The following PPP1R9A variants were observed in gnomAD, a reference collection of about 807,000 sequenced individuals.
PPP1R9A encodes the protein protein phosphatase 1 regulatory subunit 9A, also known as neurabin-1.
PPP1R9A carries 59 observed loss-of-function variants against 141.9 expected under a neutral mutation model. The observed-to-expected ratio is 0.42, with a 90% CI of 0.34 to 0.52. The LOEUF is 0.52. Ranked by LOEUF, PPP1R9A falls within the 20% of genes least tolerant of loss-of-function variation. The probability of loss-of-function intolerance (pLI) is 0.10; values close to 1 mark genes in which losing one functional copy is unlikely to be tolerated. For missense variants in PPP1R9A, 1,444 were observed against 1,611.9 expected (o/e 0.90, Z 1.78); for synonymous variants, 500 against 569.7 (o/e 0.88, Z 1.74).
At chr7:95,284,461 A>T (rs746856912) in intron 17 of PPP1R9A, 131 bp downstream of exon 17, 21 of 911,828 alleles carry the variant, frequency 2.3e-5, no homozygotes, top group Non-Finnish European at 2.9e-5. Context: ...CTATCTTTTC[A>T]CATATTGCTA....
At chr7:95,096,740 T>C (rs1186628437) in intron 2 of PPP1R9A, among the ~76,000 whole-genome samples, 1 of 152,210 alleles carries the variant, frequency 6.6e-6, no homozygotes, top group Admixed American at 6.5e-5. Context: ...CTTGGCCATG[T>C]TGGCTTACTT....
chr7:94,956,156 C>T (rs1797050591), intron 2 of PPP1R9A, among the ~76,000 whole-genome samples: 6 of 152,100 alleles, frequency 3.9e-5, no homozygotes. Flanking sequence ...TTAATTTTCT[C>T]AGACAGCCCA....
intron 14 of PPP1R9A, among the ~76,000 whole-genome samples, chr7:95,269,841 T>C (rs576047246): frequency 6.6e-5 from 10 of 152,128 alleles, no homozygotes; most frequent in Non-Finnish European, 5.9e-5. Flanking sequence ...TAGAAAAATA[T>C]AGAGCGATTT....
Position 95,268,644 on chromosome 7 carries a change from C to A in PPP1R9A, c.2760C>A (p.Pro920=). The A allele has an allele frequency of 6.2e-7, 1 of 1,613,438 alleles. No homozygotes were observed. The highest frequency in any genetic ancestry group is 8.5e-7 in the Non-Finnish European group (1 of 1,179,546). ...QLSVKNRRQR[P]SRTRLYDSVS... ...CTGTGAAGAACAGACGCCAGAGACC[C>A]TCTAGGACAAGACTGTATGATAGTG... Residue 920 remains proline, a synonymous_variant, in exon 13 of 20, where the codon CCC becomes CCA. Transcript: ENST00000433360.
intron 4 of PPP1R9A, among the ~76,000 whole-genome samples, chr7:95,139,263 A>C (rs1197941274): frequency 1.3e-5 from 2 of 152,182 alleles, no homozygotes; most frequent in Non-Finnish European, 2.9e-5. Context: ...ATGAGTGCAG[A>C]GCGAAGGGGG....
intron 2 of PPP1R9A, among the ~76,000 whole-genome samples, chr7:95,052,596 G>A (rs1407313948): frequency 2.6e-5 from 4 of 152,114 alleles, no homozygotes; most frequent in Admixed American, 1.3e-4. Context: ...TTTGAAGTAG[G>A]TAAGGATAAG....
At chr7:95,230,705 A>T (rs921454039) in intron 8 of PPP1R9A, among the ~76,000 whole-genome samples, 3 of 152,174 alleles carry the variant, frequency 2.0e-5, no homozygotes, top group African/African-American at 7.2e-5. Flanking sequence ...AAGGAGAGAA[A>T]TCTAAAAGTT....
At chr7:95,145,624 A>C (rs1827466734) in intron 4 of PPP1R9A, among the ~76,000 whole-genome samples, 1 of 152,154 alleles carries the variant, frequency 6.6e-6, no homozygotes, top group African/African-American at 2.4e-5. Context: ...AAAAGACAGA[A>C]ATTGCTGGGC....
At chr7:95,065,586 T>A (rs1393919855) in intron 2 of PPP1R9A, among the ~76,000 whole-genome samples, 1 of 152,224 alleles carries the variant, frequency 6.6e-6, no homozygotes, top group Admixed American at 6.5e-5. Context: ...TGGAATTGTC[T>A]GTTGTGACTG....
intron 13 of PPP1R9A, 67 bp downstream of exon 13, chr7:95,268,774 A>C (rs1486867837): frequency 1.3e-6 from 2 of 1,547,590 alleles, no homozygotes; most frequent in African/African-American, 2.8e-5. Context: ...CAGCTTATTG[A>C]AGATTATGAT....
chr7:95,116,257 GAAATGACCAGTAT>G (rs1368594821), intron 3 of PPP1R9A, among the ~76,000 whole-genome samples: 1 of 152,016 alleles, frequency 6.6e-6, no homozygotes, highest in African/African-American at 2.4e-5. Context: ...CCCTTTAAAT[GAAATGACCAGTAT>G]AAATAACAGC....
At chr7:95,286,995 G>T in intron 18 of PPP1R9A, 1 of 1,078,014 alleles carries the variant, frequency 9.3e-7, no homozygotes, top group South Asian at 1.9e-5. Context: ...TTTTCTGCCC[G>T]TATTCTTCAA....
intron 6 of PPP1R9A, among the ~76,000 whole-genome samples, chr7:95,200,198 CCA>C (rs1157950186): frequency 6.6e-6 from 1 of 151,778 alleles, no homozygotes; most frequent in Non-Finnish European, 1.5e-5. Flanking sequence ...AGATCACAGA[CCA>C]CACATTTTCT....
intron 2 of PPP1R9A, among the ~76,000 whole-genome samples, chr7:94,952,403 G>T (rs542028215): frequency 6.6e-6 from 1 of 152,250 alleles, no homozygotes; most frequent in East Asian, 1.9e-4. Context: ...GGACAGTGCT[G>T]CAATAAACAT....
chr7:95,023,356 G>T (rs551656740), intron 2 of PPP1R9A, among the ~76,000 whole-genome samples: 384 of 151,750 alleles, frequency 2.5e-3, no homozygotes, highest in Non-Finnish European at 4.4e-3. Flanking sequence ...GCATCTATTT[G>T]ATTCTTCTCT....
chr7:95,197,263 C>T (rs1329416399), intron 5 of PPP1R9A, among the ~76,000 whole-genome samples: 2 of 152,092 alleles, frequency 1.3e-5, no homozygotes, highest in Admixed American at 6.5e-5. Context: ...ATCCTAGAGA[C>T]ACATTATTCG....
Position 95,226,134 on chromosome 7 carries a change from A to G in PPP1R9A, c.2112+18A>G, listed in dbSNP as rs764849909. The G allele has an allele frequency of 1.1e-5, 18 of 1,602,088 alleles. 1 individual carries two copies. The South Asian group carries it at 1.4e-4, about 13-fold the overall frequency. On this transcript the variant is annotated intron_variant, in intron 8 of 19. Transcript: ENST00000433360. ...TCAAAGAGGTATGCCACTAAGCTGC[A>G]AAATATTTCTTTATGCCTGTCCATT...
chr7:95,020,909 A>C (rs2151719450), intron 2 of PPP1R9A, among the ~76,000 whole-genome samples: 1 of 152,340 alleles, frequency 6.6e-6, no homozygotes, highest in Admixed American at 6.5e-5. Flanking sequence ...AGTCTTTGCT[A>C]TTGTGAACAG....
intron 4 of PPP1R9A, among the ~76,000 whole-genome samples, chr7:95,133,994 A>G (rs1302453934): frequency 1.3e-5 from 2 of 152,142 alleles, no homozygotes; most frequent in Non-Finnish European, 2.9e-5. Flanking sequence ...TAGGTGCATT[A>G]AATTTTAAAT....
Sources: gnomAD v4.1 joint callset for allele counts (sites outside exome capture counted in the v4.1 genomes callset) on GRCh38, gnomAD v4.1.1 for gene constraint, MANE v1.5 for transcripts, NCBI Gene and HGNC (gene_info 2026-07-23, HGNC 2026-07-21) for gene names.